The following COL26A1 variants were observed in gnomAD, a reference collection of about 807,000 sequenced individuals.
COL26A1 encodes the protein collagen alpha-1(XXVI) chain.
Under a neutral mutation model 59.3 loss-of-function variants are expected in COL26A1, and 41 were observed. The ratio of observed to expected loss-of-function variants is 0.69; its 90% CI spans 0.54 to 0.90. The LOEUF (loss-of-function observed/expected upper bound fraction) is 0.90. Among genes scored for constraint, COL26A1 ranks in the 40% least tolerant of loss-of-function variants. The probability of loss-of-function intolerance (pLI) is 0.00; values close to 1 mark genes in which losing one functional copy is unlikely to be tolerated. For missense variants in COL26A1, 612 were observed against 602.3 expected, an observed-to-expected ratio of 1.02 and a Z score of -0.17; for synonymous variants, 266 against 256.0, an observed-to-expected ratio of 1.04 and a Z score of -0.37.
intron 12 of COL26A1, among the ~76,000 whole-genome samples, chr7:101,556,436 C>T (rs553345768): frequency 3.6e-4 from 53 of 147,446 alleles, no homozygotes; most frequent in Middle Eastern, 4.2e-3. Context: ...AGTGAGTGAA[C>T]GAATGGCTGG....
chr7:101,408,886 TC>T (rs1466367673), intron 1 of COL26A1, among the ~76,000 whole-genome samples: 2 of 152,146 alleles, frequency 1.3e-5, no homozygotes, highest in African/African-American at 4.8e-5. Flanking sequence ...GTTTACTGCC[TC>T]CCCAGTCAAG....
chr7:101,534,505 GAC>G (rs752087347), intron 4 of COL26A1, among the ~76,000 whole-genome samples: 2 of 151,930 alleles, frequency 1.3e-5, no homozygotes, highest in African/African-American at 2.4e-5. Flanking sequence ...TACACATACA[GAC>G]ACACACATTT....
chr7:101,468,911 A>T (rs1281014975), intron 3 of COL26A1, among the ~76,000 whole-genome samples: 2 of 152,142 alleles, frequency 1.3e-5, no homozygotes, highest in Non-Finnish European at 2.9e-5. Flanking sequence ...AAGCAGCTAG[A>T]TGGAGCTCTG....
At chr7:101,508,479 A>T (rs991785058) in intron 3 of COL26A1, among the ~76,000 whole-genome samples, 10 of 146,884 alleles carry the variant, frequency 6.8e-5, no homozygotes, top group Non-Finnish European at 1.5e-4. Flanking sequence ...TGATCACACC[A>T]CTGTACTCCA....
chr7:101,551,237 G>GGGGGGGGGGGGGGGGGGGT, intron 10 of COL26A1, 94 bp downstream of exon 10: 5 of 386,362 alleles, frequency 1.3e-5, no homozygotes, highest in East Asian at 5.8e-5. Flanking sequence ...TGGTGGGGGG[G>GGGGGGGGGGGGGGGGGGGT]TTCAGCCCTG....
intron 2 of COL26A1, among the ~76,000 whole-genome samples, chr7:101,445,698 C>CTCCA (rs1441021210): frequency 8.6e-6 from 1 of 115,942 alleles, no homozygotes; most frequent in Non-Finnish European, 1.7e-5. Context: ...CGCCACTGCA[C>CTCCA]TCCAGCCTGG....
chr7:101,477,865 C>T (rs1584444109), intron 3 of COL26A1, among the ~76,000 whole-genome samples: 1 of 152,178 alleles, frequency 6.6e-6, no homozygotes, highest in African/African-American at 2.4e-5. Flanking sequence ...CCTGACCTTT[C>T]GTGGGTCAGT....
chr7:101,394,325 C>T (rs758220349), intron 1 of COL26A1, among the ~76,000 whole-genome samples: 1 of 152,082 alleles, frequency 6.6e-6, no homozygotes, highest in African/African-American at 2.4e-5. Context: ...TCACCTTGGA[C>T]GTCTCATTTC....
At chr7:101,445,686 C>G (rs1325837025) in intron 2 of COL26A1, among the ~76,000 whole-genome samples, 1 of 139,612 alleles carries the variant, frequency 7.2e-6, no homozygotes, top group Non-Finnish European at 1.5e-5. Context: ...GAGCCGAGAT[C>G]CCGCCACTGC....
chr7:101,488,349 A>AATTTATATATATATATATAT lies in COL26A1; in HGVS notation c.385+40564_385+40565insTTATATATATATATATATAT, dbSNP rs1491342922. ...TTTTAATCCGTTTTTAATTTTATTT[A>AATTTATATATATATATATAT]ATATATATATATATATATATATATA... On this transcript the variant is annotated intron_variant, in intron 3 of 12. Transcript: ENST00000313669. Among the ~76,000 whole-genome samples, 66 of 104,952 alleles carry AATTTATATATATATATATAT rather than the reference A, an allele frequency of 6.3e-4. 1 individual carries two copies. Among genetic ancestry groups the AATTTATATATATATATATAT allele is most frequent in the African/African-American group, 2.1e-3 (50 of 24,060 alleles). 68.9% of individuals were successfully genotyped at this position (104,952 alleles called of 152,430 possible).
chr7:101,443,944 C>G (rs1218634180), intron 2 of COL26A1, among the ~76,000 whole-genome samples: 2 of 149,550 alleles, frequency 1.3e-5, no homozygotes, highest in African/African-American at 2.5e-5. Flanking sequence ...CGATCATGCT[C>G]ACTGTAGCCT....
intron 2 of COL26A1, among the ~76,000 whole-genome samples, chr7:101,425,725 A>T (rs900743925): frequency 6.6e-6 from 1 of 151,324 alleles, no homozygotes; most frequent in Non-Finnish European, 1.5e-5. Flanking sequence ...TCGGTCTCGA[A>T]CTCCTGAACT....
intron 3 of COL26A1, among the ~76,000 whole-genome samples, chr7:101,460,273 G>A (rs1052017333): frequency 2.0e-5 from 3 of 152,108 alleles, no homozygotes; most frequent in African/African-American, 7.2e-5. Flanking sequence ...TGTGAGATAA[G>A]GACTTCGCTA....
In COL26A1 at chr7:101,520,664, C is replaced by CACACACACA. The variant is rs1554341000; in HGVS notation, c.386-12418_386-12417insACACACACA. On this transcript the variant is annotated intron_variant, in intron 3 of 12. Transcript: ENST00000313669. ...CACACACACACACACACACACACAC[C>CACACACACA]CCCGTGTTCTTGCATGTTTTTGCTC... Among the ~76,000 whole-genome samples the CACACACACA allele has an allele frequency of 6.3e-3, 600 of 95,924 alleles. 7 individuals are homozygous for CACACACACA. Among genetic ancestry groups the CACACACACA allele is most frequent in the African/African-American group, 0.025 (522 of 21,298 alleles). The allele number at this position is 95,924 out of a possible 152,430, so 62.9% of individuals were successfully genotyped here. A position where few individuals can be genotyped will look rare whatever the true frequency, so the allele number is the denominator to read the frequency against.
At chr7:101,489,674 T>TG (rs1466683407) in intron 3 of COL26A1, among the ~76,000 whole-genome samples, 15 of 48,524 alleles carry the variant, frequency 3.1e-4, no homozygotes, top group African/African-American at 1.7e-3. Flanking sequence ...CCTTCCTTCC[T>TG]TCCTTCCTTT....
At chr7:101,500,970 T>A (rs1584466686) in intron 3 of COL26A1, among the ~76,000 whole-genome samples, 1 of 150,764 alleles carries the variant, frequency 6.6e-6, no homozygotes. Flanking sequence ...GATCACGAGG[T>A]CAGGAGTTCA....
intron 2 of COL26A1, among the ~76,000 whole-genome samples, chr7:101,425,053 G>C (rs963891367): frequency 6.6e-5 from 10 of 151,962 alleles, no homozygotes; most frequent in Non-Finnish European, 1.2e-4. Flanking sequence ...CTCCTGAGTA[G>C]CTGGGACTAC....
At chr7:101,427,375 T>C (rs1041265085) in intron 2 of COL26A1, among the ~76,000 whole-genome samples, 2 of 152,106 alleles carry the variant, frequency 1.3e-5, no homozygotes, top group Non-Finnish European at 2.9e-5. Flanking sequence ...TTAAAAATTT[T>C]TTTTGGCGGG....
At chr7:101,365,578 C>A (rs561391559) in intron 1 of COL26A1, among the ~76,000 whole-genome samples, 2 of 152,122 alleles carry the variant, frequency 1.3e-5, no homozygotes, top group Middle Eastern at 3.4e-3. Context: ...AGGTGCCCAC[C>A]ACTGCGCCTG....
Sources: allele counts gnomAD v4.1 joint callset (sites outside exome capture counted in the v4.1 genomes callset), GRCh38; gene constraint gnomAD v4.1.1; transcripts MANE v1.5; gene names NCBI Gene and HGNC (gene_info 2026-07-23, HGNC 2026-07-21).